The following ZC3H12B variants were observed in gnomAD, a reference collection of about 807,000 sequenced individuals.
The protein encoded by ZC3H12B is probable ribonuclease ZC3H12B.
In ZC3H12B, 7 loss-of-function variants were observed where a neutral mutation model predicts 43.9. The observed-to-expected ratio is 0.16, with a 90% CI of 0.09 to 0.30. The LOEUF (loss-of-function observed/expected upper bound fraction) is 0.30. ZC3H12B is among the 10% of genes least tolerant of loss of function. The pLI, the probability that ZC3H12B is intolerant of heterozygous loss-of-function variation, is 1.00. For missense variants in ZC3H12B, 475 were observed against 670.2 expected, an observed-to-expected ratio of 0.71 and a Z score of 3.22; for synonymous variants, 222 against 241.7, an observed-to-expected ratio of 0.92 and a Z score of 0.76.
At chrX:65,406,603 T>TGGGCGGGGAC (rs1569396829) in intron 3 of ZC3H12B, among the ~76,000 whole-genome samples, 11 of 4,451 alleles carry the variant, frequency 2.5e-3, no homozygotes, top group African/African-American at 8.9e-3. Flanking sequence ...TGGGCGGGGC[T>TGGGCGGGGAC]GGGCGGGGCT....
the ZC3H12B span, among the ~76,000 whole-genome samples, chrX:65,152,640 G>A: frequency 0.082 from 9,090 of 110,821 alleles, 1,019 homozygotes; most frequent in African/African-American, 0.29. Flanking sequence ...AATCAATATC[G>A]TGAAAATGGC....
intron 3 of ZC3H12B, among the ~76,000 whole-genome samples, chrX:65,465,291 T>C (rs1358067383): frequency 9.0e-6 from 1 of 111,691 alleles, no homozygotes; most frequent in Admixed American, 9.6e-5. Context: ...TGTTACTAGG[T>C]ACATATATAT....
At chrX:65,193,323 G>C in the ZC3H12B span, among the ~76,000 whole-genome samples, 1 of 110,949 alleles carries the variant, frequency 9.0e-6, no homozygotes, top group Non-Finnish European at 1.9e-5. Context: ...CTCATTACTT[G>C]TTAGTCTGTT....
intron 2 of ZC3H12B, among the ~76,000 whole-genome samples, chrX:65,377,737 C>T (rs1390672119): frequency 9.0e-6 from 1 of 111,480 alleles, no homozygotes; most frequent in Non-Finnish European, 1.9e-5. Flanking sequence ...ACCAACACCA[C>T]ACTTACCCTA....
chrX:65,343,413 A>G, the ZC3H12B span, among the ~76,000 whole-genome samples: 3 of 111,946 alleles, frequency 2.7e-5, no homozygotes, highest in African/African-American at 9.7e-5. Context: ...ATGAACATTG[A>G]TGCAAAAATC....
At chrX:65,330,545 C>T in the ZC3H12B span, among the ~76,000 whole-genome samples, 1 of 111,425 alleles carries the variant, frequency 9.0e-6, no homozygotes, top group African/African-American at 3.3e-5. Flanking sequence ...GTGGGTTTGT[C>T]ATAGATAGCT....
the ZC3H12B span, among the ~76,000 whole-genome samples, chrX:65,158,560 T>C: frequency 8.9e-6 from 1 of 112,360 alleles, no homozygotes; most frequent in Non-Finnish European, 1.9e-5. Flanking sequence ...ATTGGCTGCA[T>C]AAATGTCTTC....
At chrX:65,182,675 G>T in the ZC3H12B span, among the ~76,000 whole-genome samples, 1 of 110,037 alleles carries the variant, frequency 9.1e-6, no homozygotes, top group Non-Finnish European at 1.9e-5. Context: ...GCATTCACAA[G>T]GGTCTAATAT....
chrX:65,222,863 A>G, the ZC3H12B span, among the ~76,000 whole-genome samples: 1,372 of 110,427 alleles, frequency 0.012, 6 homozygotes, highest in Middle Eastern at 0.024. Flanking sequence ...ATCATTCTTT[A>G]CAGAACTAGA....
At chrX:65,058,727 G>T in the ZC3H12B span, among the ~76,000 whole-genome samples, 1 of 112,090 alleles carries the variant, frequency 8.9e-6, no homozygotes, top group Non-Finnish European at 1.9e-5. Flanking sequence ...GCTCCACCCA[G>T]TTCAAGCTTC....
chrX:65,408,204 A>G, intron 3 of ZC3H12B: 1 of 1,197,505 alleles, frequency 8.4e-7, no homozygotes, highest in South Asian at 1.8e-5. Flanking sequence ...GCGCAGTATC[A>G]CAGCCTTAAA....
chrX:65,168,137 G>T, the ZC3H12B span, among the ~76,000 whole-genome samples: 2 of 111,651 alleles, frequency 1.8e-5, no homozygotes, highest in Non-Finnish European at 3.8e-5. Flanking sequence ...AATGCTTCCA[G>T]TTTTTGCCCA....
the ZC3H12B span, among the ~76,000 whole-genome samples, chrX:65,079,433 C>A: frequency 0.083 from 9,274 of 112,108 alleles, 1,024 homozygotes; most frequent in African/African-American, 0.29. Flanking sequence ...ACCTAGTGCT[C>A]TACTGGATTC....
At chrX:65,357,146 C>T in the ZC3H12B span, 1 of 468,699 alleles carries the variant, frequency 2.1e-6, no homozygotes, top group South Asian at 2.7e-5. Flanking sequence ...GGGCTCTGTC[C>T]TGAGGAGGCC....
At chrX:65,392,489 C>T (rs868635130) in intron 2 of ZC3H12B, among the ~76,000 whole-genome samples, 4 of 110,393 alleles carry the variant, frequency 3.6e-5, no homozygotes, top group South Asian at 3.8e-4. Flanking sequence ...TGTCTCCAAC[C>T]GGGCTGCCCC....
At chrX:65,243,082 A>G in the ZC3H12B span, among the ~76,000 whole-genome samples, 1 of 112,213 alleles carries the variant, frequency 8.9e-6, no homozygotes, top group South Asian at 3.7e-4. Flanking sequence ...TGTTTTGAGT[A>G]AGACCCAAAA....
intron 3 of ZC3H12B, among the ~76,000 whole-genome samples, chrX:65,478,385 C>T (rs2068022909): frequency 9.0e-6 from 1 of 111,599 alleles, no homozygotes; most frequent in South Asian, 3.7e-4. Flanking sequence ...GTATATAGGC[C>T]ATACTTTTTT....
chrX:65,399,299 A>T (rs1354547221), intron 3 of ZC3H12B, among the ~76,000 whole-genome samples: 1 of 112,429 alleles, frequency 8.9e-6, no homozygotes, highest in Non-Finnish European at 1.9e-5. Flanking sequence ...ATTAGTAATC[A>T]GAATACACAG....
intron 3 of ZC3H12B, among the ~76,000 whole-genome samples, chrX:65,407,108 C>G (rs1337341054): frequency 1.8e-5 from 2 of 112,154 alleles, no homozygotes; most frequent in African/African-American, 3.2e-5. Flanking sequence ...GAAAGAAGAC[C>G]GAGGAAGAAA....
Sources: allele counts gnomAD v4.1 joint callset (sites outside exome capture counted in the v4.1 genomes callset), GRCh38; gene constraint gnomAD v4.1.1; transcripts MANE v1.5; gene names NCBI Gene and HGNC (gene_info 2026-07-23, HGNC 2026-07-21).